The following CPEB3 variants were observed in gnomAD, a reference collection of about 807,000 sequenced individuals.
The protein encoded by CPEB3 is cytoplasmic polyadenylation element-binding protein 3.
In CPEB3, 20 loss-of-function variants were observed where a neutral mutation model predicts 67.2. The ratio of observed to expected loss-of-function variants is 0.30; its 90% CI spans 0.21 to 0.43. CPEB3 has a LOEUF of 0.43. Among genes scored for constraint, CPEB3 ranks in the 20% least tolerant of loss-of-function variants. CPEB3 has a pLI of 1.00. For missense variants in CPEB3, 746 were observed against 968.6 expected, an observed-to-expected ratio of 0.77 and a Z score of 3.05; for synonymous variants, 376 against 393.1, an observed-to-expected ratio of 0.96 and a Z score of 0.51.
At chr10:92,084,110 AGCCGAGATCAC>A (rs961734473) in intron 8 of CPEB3, among the ~76,000 whole-genome samples, 2 of 147,220 alleles carry the variant, frequency 1.4e-5, no homozygotes, top group Admixed American at 7.0e-5. Context: ...CCTTGCAGTG[AGCCGAGATCAC>A]GCCACTGCAC....
intron 4 of CPEB3, among the ~76,000 whole-genome samples, chr10:92,157,668 C>G (rs1214389250): frequency 6.6e-6 from 1 of 152,032 alleles, no homozygotes; most frequent in African/African-American, 2.4e-5. Context: ...CTAATAAGAT[C>G]AAGAATTGCC....
At chr10:92,092,721 A>C (rs1481168394) in intron 7 of CPEB3, among the ~76,000 whole-genome samples, 1 of 152,090 alleles carries the variant, frequency 6.6e-6, no homozygotes, top group East Asian at 1.9e-4. Context: ...TAGAGGTTGC[A>C]GTGAGCCGAG....
chr10:92,109,524 T>C (rs995264281), intron 7 of CPEB3, among the ~76,000 whole-genome samples: 3 of 152,116 alleles, frequency 2.0e-5, no homozygotes, highest in African/African-American at 4.8e-5. Flanking sequence ...AGTGCTGGGA[T>C]TACAGGCGTG....
chr10:92,066,298 G>A (rs1177003298), intron 9 of CPEB3, among the ~76,000 whole-genome samples: 2 of 152,168 alleles, frequency 1.3e-5, no homozygotes, highest in Non-Finnish European at 2.9e-5. Flanking sequence ...GTCTGGGTAT[G>A]GTGAGGTGTG....
chr10:92,061,055 T>C (rs776198385), intron 9 of CPEB3, among the ~76,000 whole-genome samples: 1 of 152,194 alleles, frequency 6.6e-6, no homozygotes, highest in East Asian at 1.9e-4. Flanking sequence ...CGAAGAGATA[T>C]CTGCACTCCT....
intron 4 of CPEB3, among the ~76,000 whole-genome samples, chr10:92,157,113 C>T (rs2133923632): frequency 6.6e-6 from 1 of 152,284 alleles, no homozygotes; most frequent in South Asian, 2.1e-4. Context: ...TAAATTACGA[C>T]TCCTCCTTCA....
chr10:92,215,704 G>T (rs1850333690), intron 2 of CPEB3, among the ~76,000 whole-genome samples: 1 of 147,562 alleles, frequency 6.8e-6, no homozygotes, highest in Non-Finnish European at 1.5e-5. Flanking sequence ...GTCTCCCAAA[G>T]TGCTGGAATT....
chr10:92,220,579 TAAA>T (rs540480746), intron 2 of CPEB3, among the ~76,000 whole-genome samples: 1 of 134,410 alleles, frequency 7.4e-6, no homozygotes. Flanking sequence ...ACTGCCATGT[TAAA>T]AAAAAAAAAA....
At chr10:92,280,944 G>A (rs1842270079) in intron 1 of CPEB3, among the ~76,000 whole-genome samples, 1 of 151,304 alleles carries the variant, frequency 6.6e-6, no homozygotes, top group Non-Finnish European at 1.5e-5. Context: ...ATTATTAGTA[G>A]AGACAGGGTT....
At chr10:92,268,548 A>C (rs1056606473) in intron 1 of CPEB3, among the ~76,000 whole-genome samples, 6 of 152,158 alleles carry the variant, frequency 3.9e-5, no homozygotes. Flanking sequence ...AAATCTGAGA[A>C]ACTTCCAACT....
chr10:92,054,252 G>T (rs1277479725), intron 9 of CPEB3, among the ~76,000 whole-genome samples: 1 of 151,720 alleles, frequency 6.6e-6, no homozygotes, highest in Non-Finnish European at 1.5e-5. Flanking sequence ...AGGAGTTCAA[G>T]CCTGGCCTGA....
chr10:92,088,311 G>A (rs751790330), intron 8 of CPEB3, among the ~76,000 whole-genome samples: 13 of 142,896 alleles, frequency 9.1e-5, no homozygotes, highest in Admixed American at 1.5e-4. Context: ...CTGCAGCCCC[G>A]AGCTCCCTGG....
intron 1 of CPEB3, among the ~76,000 whole-genome samples, chr10:92,285,518 G>A (rs556693441): frequency 1.2e-4 from 18 of 152,220 alleles, no homozygotes; most frequent in East Asian, 1.9e-4. Flanking sequence ...TGATTTGCCC[G>A]CCTCGGCATC....
intron 6 of CPEB3, among the ~76,000 whole-genome samples, chr10:92,111,747 C>T (rs955525168): frequency 1.3e-5 from 2 of 152,170 alleles, no homozygotes; most frequent in African/African-American, 4.8e-5. Flanking sequence ...CTGATGATTG[C>T]ACAACTCTGT....
At chr10:92,119,127 T>C (rs1845199513) in intron 6 of CPEB3, 1 of 1,586,490 alleles carries the variant, frequency 6.3e-7, no homozygotes, top group Admixed American at 1.7e-5. Context: ...GTCCTGGTTC[T>C]TACTGTGTTG....
At chr10:92,080,100 G>A (rs993994332) in intron 9 of CPEB3, among the ~76,000 whole-genome samples, 1 of 151,562 alleles carries the variant, frequency 6.6e-6, no homozygotes, top group Non-Finnish European at 1.5e-5. Context: ...CCAGTTACTC[G>A]GGAGGCTGAG....
chr10:92,239,694 C>T lies in CPEB3; in HGVS notation c.657G>A (p.Lys219=). The change falls in exon 2 of 10, where the codon AAG becomes AAA. Residue 219 remains lysine (K), a synonymous_variant. Transcript: ENST00000265997. The surrounding 1 kb of genome is among the most constrained non-coding windows in gnomAD (Gnocchi z 6.0). ...AYGHQPIMTS[K]PSSSSAVAAA... is the part of the protein sequence containing the mutation. ...CTGCAACCGCCGAAGACGAGGACGG[C>T]TTGCTGGTCATGATGGGCTGGTGGC... 6.4e-7 allele frequency: 1 copy of T among 1,570,508 alleles called. No homozygotes were observed. The highest frequency in any genetic ancestry group is 8.6e-7 in the Non-Finnish European group (1 of 1,162,002).
At chr10:92,120,476 T>C (rs1845306548) in intron 6 of CPEB3, among the ~76,000 whole-genome samples, 1 of 151,800 alleles carries the variant, frequency 6.6e-6, no homozygotes, top group East Asian at 2.0e-4. Flanking sequence ...CCCAGCTACT[T>C]GGGAGGCTGA....
chr10:92,238,536 A>G (rs1159209029), intron 2 of CPEB3, among the ~76,000 whole-genome samples: 2 of 152,024 alleles, frequency 1.3e-5, no homozygotes, highest in South Asian at 4.1e-4. Context: ...GATGAAGGAC[A>G]CTGCAGCTTT....
Sources: allele counts gnomAD v4.1 joint callset (sites outside exome capture counted in the v4.1 genomes callset), GRCh38; gene constraint gnomAD v4.1.1; non-coding constraint Gnocchi (gnomAD v3.1); transcripts MANE v1.5; gene names NCBI Gene and HGNC (gene_info 2026-07-23, HGNC 2026-07-21).